The following GON4L variants were observed in gnomAD, a reference collection of about 807,000 sequenced individuals.
The protein encoded by GON4L is GON-4-like protein.
Under a neutral mutation model 211.8 loss-of-function variants are expected in GON4L, and 87 were observed. The observed-to-expected ratio is 0.41, with a 90% confidence interval of 0.35 to 0.49. The LOEUF is 0.49. GON4L is among the 20% of genes least tolerant of loss of function. GON4L has a pLI of 0.15. For synonymous variants in GON4L, 875 were observed against 962.6 expected (o/e 0.91, Z 1.68); for missense variants, 2,155 against 2,659.5 (o/e 0.81, Z 4.17).
Position 155,757,186 on chromosome 1 carries a change from C to A in GON4L, c.5391G>T (p.Glu1797Asp). The A allele has an allele frequency of 6.2e-7, 1 of 1,613,996 alleles. No individual in the cohort carries two copies. The highest frequency in any genetic ancestry group is 8.5e-7 in the Non-Finnish European group (1 of 1,179,894). ...FEEINWTEEK[E>D]YEFDGFEEVA... is the part of the protein sequence containing the mutation. ...GCAGCCTTAGGTCCTATACCTCATA[C>A]TCCTTTTCCTCAGTCCAATTGATCT... is the stretch of plus-strand genomic sequence containing the variant. The change falls in exon 26 of 32, where the codon GAG becomes GAT. Residue 1797 changes from glutamate (E) to aspartate (D), a missense_variant. Around this residue, in one of 6 missense-constraint regions of GON4L, gnomAD observed 455 missense variants for 504.6 expected, o/e 0.90. Transcript: ENST00000368331.
At chr1:155,788,210 C>A (rs749780774) in intron 12 of GON4L, among the ~76,000 whole-genome samples, 9 of 152,102 alleles carry the variant, frequency 5.9e-5, no homozygotes, top group Non-Finnish European at 1.2e-4. Flanking sequence ...CCAGGCTGGT[C>A]TTGAACTCCT....
downstream of GON4L, chr1:155,747,749 C>T (rs1371474428): frequency 6.2e-7 from 1 of 1,613,760 alleles, no homozygotes; most frequent in Non-Finnish European, 8.5e-7. Flanking sequence ...TTTCGTCACT[C>T]ACCCCCGCCC....
chr1:155,761,686 G>T lies in GON4L; in HGVS notation c.4911+504C>A, dbSNP rs141945470. On this transcript the variant is annotated intron_variant, in intron 23 of 31. Transcript: ENST00000368331. ...AATTTTTGTATTTTAGTAGAGACAG[G>T]GTTTCACCATGTTGGTCAGGCTGGT... Among the ~76,000 whole-genome samples, 699 of 151,640 alleles carry T rather than the reference G, an allele frequency of 4.6e-3. 4 individuals are homozygous for T. Among genetic ancestry groups the T allele is most frequent in the African/African-American group, 0.016 (655 of 41,308 alleles).
chr1:155,858,632 A>C (rs1325369522), upstream of GON4L, among the ~76,000 whole-genome samples: 3 of 111,522 alleles, frequency 2.7e-5, no homozygotes, highest in Non-Finnish European at 5.4e-5. Context: ...ACTTTTCATT[A>C]GTTGTTTTTT....
At chr1:155,831,364 T>A (rs1433658661) in intron 2 of GON4L, among the ~76,000 whole-genome samples, 2 of 152,054 alleles carry the variant, frequency 1.3e-5, no homozygotes, top group African/African-American at 2.4e-5. Context: ...GCAGAAAGAT[T>A]ACTTGAAGCC....
intron 1 of GON4L, among the ~76,000 whole-genome samples, chr1:155,854,774 G>A (rs567780828): frequency 2.0e-4 from 31 of 152,246 alleles, no homozygotes; most frequent in Admixed American, 4.6e-4. Context: ...GATGGCTCAC[G>A]TCCGTAATCC....
At chr1:155,794,206 G>C (rs2101986404) in intron 12 of GON4L, among the ~76,000 whole-genome samples, 1 of 152,098 alleles carries the variant, frequency 6.6e-6, no homozygotes, top group South Asian at 2.1e-4. Context: ...GGAGTAGCTG[G>C]GATTACAGGT....
chr1:155,777,673 A>G lies in GON4L; in HGVS notation c.2040T>C (p.Thr680=), dbSNP rs143202491. 1.7e-4 allele frequency: 267 copies of G among 1,613,782 alleles called. No individual in the cohort carries two copies. The highest frequency in any genetic ancestry group is 1.9e-4 in the Non-Finnish European group (226 of 1,179,832). Residue 680 remains threonine (T), a synonymous_variant, in exon 15 of 32, where the codon ACT becomes ACC. Coordinates refer to ENST00000368331, the MANE Select transcript of GON4L (RefSeq NM_001282860.2). ...TCCTCTGTGCTGGGTCCAGAATCAGAGTCTGATGAACTTTCTCACTCTGGG... is the reference window on the plus strand; with the variant it reads ...TCCTCTGTGCTGGGTCCAGAATCAGGGTCTGATGAACTTTCTCACTCTGGG... ...VKPQSEKVHQ[T]LILDPAQRKR...
At position 155,821,524 on chromosome 1, in the gene GON4L, C is replaced by G; in HGVS notation, c.913G>C (p.Val305Leu). The change falls in exon 5 of 32, where the codon GTA becomes CTA. Residue 305 changes from valine to leucine, a missense_variant. Val to Leu is a conservative substitution (Grantham distance 32, BLOSUM62 1). Around this residue, in one of 6 missense-constraint regions of GON4L, gnomAD observed 551 missense variants for 854.0 expected, o/e 0.65. Transcript: ENST00000368331. Reference sequence around the variant, plus strand: ...CTGATGGCTGCTTTCATCATAGCTACCACGTGTTCATTTGTGATTACTTCC... The same window carrying G: ...CTGATGGCTGCTTTCATCATAGCTAGCACGTGTTCATTTGTGATTACTTCC... The part of the protein sequence containing the change: ...LHEVITNEHV[V>L]AMMKAAISET... The G allele has an allele frequency of 6.2e-7, 1 of 1,605,456 alleles. No homozygotes were observed. Among genetic ancestry groups the G allele is most frequent in the Non-Finnish European group, 8.5e-7 (1 of 1,172,370 alleles).
intron 6 of GON4L, 41 bp from the exon 7 acceptor site, chr1:155,816,303 AAAT>A (rs1668231290): frequency 1.1e-6 from 1 of 941,988 alleles, no homozygotes; most frequent in South Asian, 1.3e-5. Context: ...ATCTTAACTG[AAAT>A]AATTGTTTTT....
rs1488881260 is a variant in GON4L, at chr1:155,775,190, CAAGA to C, written c.2179-21_2179-18del. ...CAGCTCTTTCTGGGAAAACAGGACACAAGAAAGATTTAAGACAATTCCAGACAAT... is the reference window on the plus strand; with the variant it reads ...CAGCTCTTTCTGGGAAAACAGGACACAAGATTTAAGACAATTCCAGACAAT... On this transcript the variant is annotated intron_variant, in intron 16 of 31. Coordinates refer to ENST00000368331, the MANE Select transcript of GON4L (RefSeq NM_001282860.2). 1 of 1,614,168 alleles carries C rather than the reference CAAGA, an allele frequency of 6.2e-7. No individual in the cohort carries two copies. The highest frequency in any genetic ancestry group is 1.1e-5 in the South Asian group (1 of 91,080).
At position 155,763,524 on chromosome 1, in the gene GON4L, C is replaced by A. The variant is rs367656870; in HGVS notation, c.4514G>T (p.Arg1505Leu). Reference protein sequence around the residue: ...EKLTWLASERRMSQEGESEEE... With the variant: ...EKLTWLASERLMSQEGESEEE... ...TTCAGACTCACCCTCCTGACTCATG[C>A]GCCTTTCAGATGCCAGCCAAGTCAG... Residue 1505 changes from arginine to leucine, a missense_variant, in exon 22 of 32, where the codon CGC (arginine) becomes CTC (leucine). By Grantham distance (102) the Arg-to-Leu change is moderately radical. This residue lies in a region of GON4L where 35 missense variants were observed against 73.9 expected (regional missense o/e 0.47). Coordinates refer to ENST00000368331, the MANE Select transcript of GON4L (RefSeq NM_001282860.2). The A allele has an allele frequency of 3.2e-6, 5 of 1,549,346 alleles. No individual in the cohort carries two copies. Among genetic ancestry groups the A allele is most frequent in the African/African-American group, 1.4e-5 (1 of 73,088 alleles).
downstream of GON4L, chr1:155,747,911 G>A: frequency 1.3e-6 from 2 of 1,563,492 alleles, no homozygotes; most frequent in Non-Finnish European, 8.7e-7. Flanking sequence ...GTGGAACTTG[G>A]AGGAGTAAAC....
intron 12 of GON4L, among the ~76,000 whole-genome samples, chr1:155,791,549 C>T (rs1665560603): frequency 1.4e-5 from 2 of 146,562 alleles, no homozygotes; most frequent in South Asian, 2.2e-4. Flanking sequence ...GAATAAATTG[C>T]TTTTTTTTTT....
At chr1:155,833,713 G>A (rs1394911505) in intron 2 of GON4L, among the ~76,000 whole-genome samples, 1 of 115,394 alleles carries the variant, frequency 8.7e-6, no homozygotes, top group African/African-American at 3.1e-5. Context: ...GGGGATAAGA[G>A]GGAAGAGGAG....
At chr1:155,767,116 A>C (rs1662595343) in intron 20 of GON4L, 3 of 647,964 alleles carry the variant, frequency 4.6e-6, no homozygotes, top group Non-Finnish European at 7.9e-6. Flanking sequence ...GACCTTAGAC[A>C]GTCTCAAGGC....
intron 10 of GON4L, 76 bp downstream of exon 10, chr1:155,813,558 C>T: frequency 1.8e-6 from 2 of 1,088,500 alleles, no homozygotes; most frequent in Non-Finnish European, 2.8e-6. Context: ...TTATCTTTTC[C>T]TCTCCCTTCC....
intron 1 of GON4L, among the ~76,000 whole-genome samples, chr1:155,856,483 G>A (rs940289191): frequency 6.0e-5 from 9 of 149,870 alleles, no homozygotes; most frequent in Non-Finnish European, 7.4e-5. Context: ...CGATCCTCCC[G>A]CCCCAGCCTC....
chr1:155,762,257 T>C lies in GON4L; in HGVS notation c.4844A>G (p.Asp1615Gly), dbSNP rs751638700. 4.3e-6 allele frequency: 7 copies of C among 1,613,058 alleles called. No homozygotes were observed. The South Asian group carries it at 7.7e-5, about 18-fold the overall frequency. The change falls in exon 23 of 32, where the codon GAC (aspartate) becomes GGC (glycine). Residue 1615 changes from aspartate (D) to glycine (G), a missense_variant. Around this residue, in one of 6 missense-constraint regions of GON4L, gnomAD observed 455 missense variants for 504.6 expected, o/e 0.90. Coordinates refer to ENST00000368331, the MANE Select transcript of GON4L (RefSeq NM_001282860.2). ...CCTGAGTGGATCTCGCTCGAGAATG[T>C]CCTCATCATACAGCAACAGCAGCTT... ...TSKLLLLYDEDILERDPLREQ... is the reference protein window; with the variant it reads ...TSKLLLLYDEGILERDPLREQ...
Sources: gnomAD v4.1 joint callset for allele counts (sites outside exome capture counted in the v4.1 genomes callset) on GRCh38, gnomAD v4.1.1 for gene constraint, gnomAD v4.1.1 regional missense constraint, MANE v1.5 for transcripts, NCBI Gene and HGNC (gene_info 2026-07-23, HGNC 2026-07-21) for gene names.